The following ZSWIM5 variants were observed in gnomAD, a reference collection of about 807,000 sequenced individuals.
ZSWIM5 encodes zinc finger SWIM-type containing 5.
In ZSWIM5, 55 loss-of-function variants were observed where a neutral mutation model predicts 119.6. The observed-to-expected ratio is 0.46, with a 90% CI of 0.37 to 0.58. The LOEUF is 0.58. ZSWIM5 is among the 20% of genes least tolerant of loss of function. The pLI is 0.00. For missense variants in ZSWIM5, 1,193 were observed against 1,512.8 expected, an observed-to-expected ratio of 0.79 and a Z score of 3.51; for synonymous variants, 537 against 606.9, an observed-to-expected ratio of 0.88 and a Z score of 1.69.
intron 1 of ZSWIM5, among the ~76,000 whole-genome samples, chr1:45,105,445 G>A (rs1472095708): frequency 1.4e-4 from 21 of 147,562 alleles, no homozygotes; most frequent in East Asian, 2.0e-4. Context: ...CTGCCCGGCC[G>A]CCCCGTCTGG....
At chr1:45,126,653 A>G (rs1187861690) in intron 1 of ZSWIM5, among the ~76,000 whole-genome samples, 1 of 152,302 alleles carries the variant, frequency 6.6e-6, no homozygotes, top group Non-Finnish European at 1.5e-5. Context: ...CTGTAATCCC[A>G]GCACTTAGAG....
At chr1:45,085,995 A>G (rs964620889) in intron 2 of ZSWIM5, among the ~76,000 whole-genome samples, 1 of 152,234 alleles carries the variant, frequency 6.6e-6, no homozygotes, top group Non-Finnish European at 1.5e-5. Context: ...CTATAAAAAA[A>G]TACCTGAGAA....
At chr1:45,157,123 T>A (rs751743846) in intron 1 of ZSWIM5, among the ~76,000 whole-genome samples, 1 of 152,152 alleles carries the variant, frequency 6.6e-6, no homozygotes, top group African/African-American at 2.4e-5. Context: ...CTTCATACAA[T>A]GAAATTATAC....
chr1:45,045,521 G>C (rs1301121659), intron 5 of ZSWIM5, among the ~76,000 whole-genome samples: 1 of 152,120 alleles, frequency 6.6e-6, no homozygotes, highest in East Asian at 1.9e-4. Flanking sequence ...GATGGTTGAA[G>C]GATATTATCA....
intron 11 of ZSWIM5, among the ~76,000 whole-genome samples, chr1:45,031,340 G>A (rs1397613037): frequency 6.6e-6 from 1 of 150,460 alleles, no homozygotes; most frequent in Non-Finnish European, 1.5e-5. Flanking sequence ...CCATGCTCAC[G>A]CAATTTTTTT....
At chr1:45,102,050 A>C (rs557065838) in intron 1 of ZSWIM5, among the ~76,000 whole-genome samples, 9 of 152,116 alleles carry the variant, frequency 5.9e-5, no homozygotes, top group African/African-American at 1.7e-4. Flanking sequence ...AAAAAAAAAA[A>C]AACTGTGAAC....
In ZSWIM5 at chr1:45,164,675, T is replaced by G. The variant is rs539768165; in HGVS notation, c.595+41081A>C. Among the ~76,000 whole-genome samples, 6 of 152,172 alleles carry G rather than the reference T, an allele frequency of 3.9e-5. No individual in the cohort carries two copies. In the East Asian group the frequency reaches 5.8e-4, roughly 15 times the overall value. ...AAGCAGGAGTTGCAATCCTAGTCTC[T>G]GATAAAACAGACTTTAAACCAACAA... is the stretch of plus-strand genomic sequence containing the variant. On this transcript the variant is annotated intron_variant, in intron 1 of 13. Coordinates refer to ENST00000359600, the MANE Select transcript of ZSWIM5 (RefSeq NM_020883.2).
At chr1:45,167,689 G>T (rs893738592) in intron 1 of ZSWIM5, among the ~76,000 whole-genome samples, 6 of 152,088 alleles carry the variant, frequency 3.9e-5, no homozygotes, top group Non-Finnish European at 8.8e-5. Context: ...CTTCTCAAAA[G>T]AAGACATTTA....
At chr1:45,105,727 G>A (rs1199904592) in intron 1 of ZSWIM5, among the ~76,000 whole-genome samples, 1 of 144,894 alleles carries the variant, frequency 6.9e-6, no homozygotes, top group Non-Finnish European at 1.5e-5. Flanking sequence ...TCGGGGAAGT[G>A]AGGAGCACCT....
At chr1:45,029,040 A>G (rs1644936893) in intron 11 of ZSWIM5, among the ~76,000 whole-genome samples, 1 of 152,218 alleles carries the variant, frequency 6.6e-6, no homozygotes, top group Non-Finnish European at 1.5e-5. Flanking sequence ...AAGTGACTTG[A>G]TGCCCCATCA....
chr1:45,104,528 G>A (rs903274679), intron 1 of ZSWIM5, among the ~76,000 whole-genome samples: 2 of 152,198 alleles, frequency 1.3e-5, no homozygotes, highest in African/African-American at 4.8e-5. Context: ...AATCCCAACT[G>A]GCCACGCCTG....
At chr1:45,087,501 G>A (rs1239995483) in intron 2 of ZSWIM5, among the ~76,000 whole-genome samples, 1 of 152,062 alleles carries the variant, frequency 6.6e-6, no homozygotes, top group Admixed American at 6.6e-5. Flanking sequence ...AAATATCAAG[G>A]GAATTCTCAT....
Position 45,206,220 on chromosome 1 carries a change from G to T in ZSWIM5, c.131C>A (p.Ala44Glu), listed in dbSNP as rs762559116. 18 of 1,586,528 alleles carry T rather than the reference G, an allele frequency of 1.1e-5. No homozygotes were observed. The highest frequency in any genetic ancestry group is 3.6e-5 in the Admixed American group (2 of 55,756). The change falls in exon 1 of 14, where the codon GCA becomes GAA. Residue 44 changes from alanine to glutamate, a missense_variant. Physicochemically the swap from Ala to Glu is moderately radical, Grantham distance 107 (BLOSUM62 -1). Around this residue, in one of 2 missense-constraint regions of ZSWIM5, gnomAD observed 232 missense variants for 222.9 expected, o/e 1.04. Transcript: ENST00000359600. The part of the protein sequence containing the change: ...RGSPGAAGGG[A>E]GGVGSSCLVL... ...CAGGCAGCTGCTGCCGACGCCCCCT[G>T]CCCCTCCGCCGGCTGCCCCAGGCGA...
intron 1 of ZSWIM5, among the ~76,000 whole-genome samples, chr1:45,171,779 G>C (rs1177392788): frequency 6.6e-6 from 1 of 151,966 alleles, no homozygotes; most frequent in African/African-American, 2.4e-5. Flanking sequence ...TACTAATAAT[G>C]AATAACTCAA....
chr1:45,120,340 A>C (rs150760903), intron 1 of ZSWIM5, among the ~76,000 whole-genome samples: 21 of 152,308 alleles, frequency 1.4e-4, no homozygotes, highest in Non-Finnish European at 2.6e-4. Flanking sequence ...CAACAACAAC[A>C]ACAAAAACCA....
intron 5 of ZSWIM5, among the ~76,000 whole-genome samples, chr1:45,045,583 C>T (rs1308513426): frequency 6.6e-6 from 1 of 152,052 alleles, no homozygotes; most frequent in East Asian, 1.9e-4. Flanking sequence ...TCATGTTGTC[C>T]CTCACAGAAA....
chr1:45,093,038 A>G (rs890371647), intron 1 of ZSWIM5, among the ~76,000 whole-genome samples: 1 of 152,222 alleles, frequency 6.6e-6, no homozygotes, highest in African/African-American at 2.4e-5. Context: ...ATGAGAAAAC[A>G]TAAGCATAGA....
chr1:45,109,551 C>CCA (rs557714994), intron 1 of ZSWIM5, among the ~76,000 whole-genome samples: 2 of 152,056 alleles, frequency 1.3e-5, no homozygotes, highest in African/African-American at 4.8e-5. Context: ...CAAGACCAGC[C>CCA]CGCCCAACAT....
chr1:45,172,214 G>A (rs961799598), intron 1 of ZSWIM5, among the ~76,000 whole-genome samples: 4 of 152,048 alleles, frequency 2.6e-5, no homozygotes, highest in African/African-American at 9.7e-5. Flanking sequence ...GATTCTGGTT[G>A]GCGGCTTCCC....
Sources: allele counts gnomAD v4.1 joint callset (sites outside exome capture counted in the v4.1 genomes callset), GRCh38; gene constraint gnomAD v4.1.1; regional missense constraint gnomAD v4.1.1; transcripts MANE v1.5; gene names NCBI Gene and HGNC (gene_info 2026-07-23, HGNC 2026-07-21).